The following DNAH1 variants were observed in gnomAD, a reference collection of about 807,000 sequenced individuals.
DNAH1 encodes the protein dynein axonemal heavy chain 1.
DNAH1 carries 327 observed loss-of-function variants against 484.3 expected under a neutral mutation model. The ratio of observed to expected loss-of-function variants is 0.68; its 90% CI spans 0.62 to 0.74. DNAH1 has a LOEUF of 0.74. Ranked by LOEUF, DNAH1 falls within the 30% of genes least tolerant of loss-of-function variation. DNAH1 has a pLI of 0.00. For missense variants in DNAH1, 5,052 were observed against 5,546.8 expected (o/e 0.91, Z 2.83); for synonymous variants, 2,192 against 2,191.9 (o/e 1.00, Z 0.00).
chr3:52,393,835 G>T (rs1269558781), intron 66 of DNAH1, among the ~76,000 whole-genome samples: 1 of 152,238 alleles, frequency 6.6e-6, no homozygotes, highest in African/African-American at 2.4e-5. Flanking sequence ...GAAGGTGGAG[G>T]TTGCAGTGGG....
chr3:52,397,243 T>A (rs1394655331), intron 73 of DNAH1, among the ~76,000 whole-genome samples, 199 bp downstream of exon 73: 2 of 152,008 alleles, frequency 1.3e-5, no homozygotes, highest in East Asian at 3.8e-4. Context: ...CTTGCCTCTG[T>A]GAGTGAACTC....
At chr3:52,400,234 A>G in intron 77 of DNAH1, 91 bp from the exon 78 acceptor site, 4 of 1,552,880 alleles carry the variant, frequency 2.6e-6, no homozygotes, top group Non-Finnish European at 3.5e-6. Context: ...CCCTGTCCTC[A>G]GCTTAGTCTG....
chr3:52,392,757 C>G, intron 64 of DNAH1, 68 bp downstream of exon 64: 1 of 1,559,652 alleles, frequency 6.4e-7, no homozygotes, highest in Non-Finnish European at 8.7e-7. Flanking sequence ...CTCTCCCTGC[C>G]TGCCCTAGGC....
Position 52,353,151 on chromosome 3 carries a change from C to T in DNAH1, c.3076C>T (p.Leu1026Phe), listed in dbSNP as rs1702464274. The T allele has an allele frequency of 5.6e-6, 9 of 1,613,808 alleles. No individual in the cohort carries two copies. The highest frequency in any genetic ancestry group is 1.3e-5 in the African/African-American group (1 of 75,030). ...GAAGGAGTTCCAACCCTACCTGGAC[C>T]TTTGGACCACAGCGTCTGACTGGCT... ...MVKEFQPYLD[L>F]WTTASDWLRW... Residue 1026 changes from leucine to phenylalanine, a missense_variant, in exon 19 of 78, where the codon CTT becomes TTT. Physicochemically the swap from Leu to Phe is conservative, Grantham distance 22 (BLOSUM62 0). This residue lies in a region of DNAH1 where 2,929 missense variants were observed against 3,409.4 expected (regional missense o/e 0.86). Transcript: ENST00000420323. The surrounding 1 kb of genome is among the most constrained non-coding windows in gnomAD (Gnocchi z 5.0).
At chr3:52,339,173 G>T (rs191733931) in intron 8 of DNAH1, among the ~76,000 whole-genome samples, 10 of 152,042 alleles carry the variant, frequency 6.6e-5, no homozygotes, top group Admixed American at 5.9e-4. Context: ...GCTGCTTTGC[G>T]TATCTTTTAA....
rs1017610397 is a variant in DNAH1, at chr3:52,352,767, A to G, written c.3027+60A>G. On this transcript the variant is annotated intron_variant, in intron 18 of 77. Coordinates refer to ENST00000420323, the MANE Select transcript of DNAH1 (RefSeq NM_015512.5). The stretch of plus-strand genomic sequence containing the variant: ...CCAGGCTTGAGGAAGCAGCTCATGT[A>G]GATGCAGCTGCCAGGAGGCAGGGCT... 33 of 1,555,926 alleles carry G rather than the reference A, an allele frequency of 2.1e-5. 1 individual carries two copies. In the Admixed American group the frequency reaches 6.0e-4, roughly 28 times the overall value.
In DNAH1 at chr3:52,356,674, A is replaced by G; in HGVS notation, c.3754A>G (p.Ser1252Gly). The G allele has an allele frequency of 6.2e-7, 1 of 1,613,896 alleles. No homozygotes were observed. Reference protein sequence around the residue: ...RSWLYLEPIFSSEDINQQLPV... With the variant: ...RSWLYLEPIFGSEDINQQLPV... ...CTGGCTCTACCTGGAGCCCATCTTTAGCTCTGAGGACATCAACCAGCAGCT... is the reference window on the plus strand; with the variant it reads ...CTGGCTCTACCTGGAGCCCATCTTTGGCTCTGAGGACATCAACCAGCAGCT... Residue 1252 changes from serine to glycine, a missense_variant, in exon 22 of 78, where the codon AGC (serine) becomes GGC (glycine). Ser to Gly is a moderately conservative substitution (Grantham distance 56). This residue lies in a region of DNAH1 where 2,929 missense variants were observed against 3,409.4 expected (regional missense o/e 0.86). Transcript: ENST00000420323.
intron 3 of DNAH1, among the ~76,000 whole-genome samples, chr3:52,325,171 G>A (rs1701291686): frequency 6.6e-6 from 1 of 152,206 alleles, no homozygotes; most frequent in South Asian, 2.1e-4. Flanking sequence ...GCAGACTCCA[G>A]CTAATGGTGG....
chr3:52,378,461 G>C, intron 46 of DNAH1, 141 bp from the exon 47 acceptor site: 1 of 871,632 alleles, frequency 1.1e-6, no homozygotes, highest in Non-Finnish European at 1.8e-6. Context: ...GGGGCCAAAG[G>C]GTACGTGGAA....
chr3:52,319,552 C>T (rs1019450530), intron 1 of DNAH1, among the ~76,000 whole-genome samples: 3 of 152,264 alleles, frequency 2.0e-5, no homozygotes, highest in Admixed American at 1.3e-4. Context: ...CCACCCCTGC[C>T]ATCTCACTGG....
intron 1 of DNAH1, among the ~76,000 whole-genome samples, chr3:52,319,952 A>G (rs986021965): frequency 3.9e-5 from 6 of 152,180 alleles, no homozygotes; most frequent in Non-Finnish European, 4.4e-5. Flanking sequence ...CCCATTATGG[A>G]TTCCTTTTGC....
intron 21 of DNAH1, among the ~76,000 whole-genome samples, chr3:52,356,381 G>A (rs527379037): frequency 7.2e-5 from 11 of 152,316 alleles, no homozygotes; most frequent in East Asian, 1.9e-4. Context: ...AGGCTTGGGC[G>A]TCCTGTGGGG....
At chr3:52,352,244 A>G in intron 17 of DNAH1, 141 bp downstream of exon 17, 1 of 1,262,966 alleles carries the variant, frequency 7.9e-7, no homozygotes, top group South Asian at 1.5e-5. Context: ...GAATGAATAA[A>G]TGGCTGAAAG....
At position 52,349,360 on chromosome 3, in the gene DNAH1, G is replaced by A; in HGVS notation, c.2466G>A (p.Lys822=). The change falls in exon 14 of 78, where the codon AAG becomes AAA. Residue 822 remains lysine (K), a synonymous_variant. Transcript: ENST00000420323. The part of the protein sequence containing the change: ...NVKQSLSKKR[K]ALATSVLDIL... ...AGCAGAGCCTGTCCAAGAAACGCAA[G>A]GCCCTGGCCACTTCCGTGCTGGACA... The A allele has an allele frequency of 6.2e-7, 1 of 1,614,010 alleles. No homozygotes were observed. Among genetic ancestry groups the A allele is most frequent in the Non-Finnish European group, 8.5e-7 (1 of 1,179,904 alleles).
At chr3:52,311,459 T>G (rs1371226367), upstream of DNAH1, among the ~76,000 whole-genome samples, 1 of 152,084 alleles carries the variant, frequency 6.6e-6, no homozygotes, top group Non-Finnish European at 1.5e-5. Context: ...GGCCCAGAGA[T>G]GAGACAGTTT....
Position 52,397,987 on chromosome 3 carries a change from A to T in DNAH1, c.11959-45A>T, listed in dbSNP as rs547101633. On this transcript the variant is annotated intron_variant, in intron 74 of 77. Transcript: ENST00000420323. ...ATGCATGTGGAATCCCACAGGGGAT[A>T]AGGGGGCCCAGCCTTGACCCCACAG... 4 of 1,600,398 alleles carry T rather than the reference A, an allele frequency of 2.5e-6. No individual in the cohort carries two copies. In the East Asian group the frequency reaches 8.9e-5, roughly 36 times the overall value.
intron 70 of DNAH1, among the ~76,000 whole-genome samples, chr3:52,396,072 G>A (rs1307154949): frequency 6.6e-6 from 1 of 151,854 alleles, no homozygotes; most frequent in African/African-American, 2.4e-5. Context: ...CCGAGTAGCT[G>A]GTAGTAACCC....
Position 52,375,220 on chromosome 3 carries a change from A to G in DNAH1, c.6986-20A>G. 1 of 1,585,694 alleles carries G rather than the reference A, an allele frequency of 6.3e-7. No homozygotes were observed. The highest frequency in any genetic ancestry group is 8.6e-7 in the Non-Finnish European group (1 of 1,164,602). On this transcript the variant is annotated intron_variant, in intron 44 of 77. Coordinates refer to ENST00000420323, the MANE Select transcript of DNAH1 (RefSeq NM_015512.5). ...GCAGCCCTGGCCAGGGCCCTTCCTG[A>G]CTTCCTGCCCCTACTCCAGGTGCCT... is the stretch of plus-strand genomic sequence containing the variant.
chr3:52,323,998 G>A (rs891780231), intron 3 of DNAH1, 118 bp downstream of exon 3: 32 of 742,558 alleles, frequency 4.3e-5, no homozygotes, highest in South Asian at 5.6e-5. Context: ...ACTGTGGAGC[G>A]GGGATAATAA....
Sources: allele counts gnomAD v4.1 joint callset (sites outside exome capture counted in the v4.1 genomes callset), GRCh38; gene constraint gnomAD v4.1.1; regional missense constraint gnomAD v4.1.1; non-coding constraint Gnocchi (gnomAD v3.1); transcripts MANE v1.5; gene names NCBI Gene and HGNC (gene_info 2026-07-23, HGNC 2026-07-21).